The following KCNIP1 variants were observed in gnomAD, a reference collection of about 807,000 sequenced individuals.
The protein encoded by KCNIP1 is A-type potassium channel modulatory protein KCNIP1.
Under a neutral mutation model 33.0 loss-of-function variants are expected in KCNIP1, and 18 were observed. The ratio of observed to expected loss-of-function variants is 0.55; its 90% CI spans 0.38 to 0.81. The LOEUF is 0.81. Among genes scored for constraint, KCNIP1 ranks in the 30% least tolerant of loss-of-function variants. KCNIP1 has a pLI of 0.00. For missense variants in KCNIP1, 238 were observed against 271.6 expected (o/e 0.88, Z 0.87); for synonymous variants, 93 against 98.3 (o/e 0.95, Z 0.32).
chr5:170,602,059 A>C (rs1166005823), intron 1 of KCNIP1, among the ~76,000 whole-genome samples: 1 of 152,146 alleles, frequency 6.6e-6, no homozygotes, highest in African/African-American at 2.4e-5. Context: ...GAGACCCTAG[A>C]ATCCCAGTGG....
intron 1 of KCNIP1, among the ~76,000 whole-genome samples, chr5:170,413,928 TAAAAA>T (rs3051750): frequency 1.7e-4 from 23 of 138,276 alleles, no homozygotes; most frequent in African/African-American, 1.6e-4. Context: ...GAGTGGAAGT[TAAAAA>T]AAAAAAAAAA....
chr5:170,729,493 C>A (rs1298347772), intron 5 of KCNIP1, among the ~76,000 whole-genome samples: 1 of 151,904 alleles, frequency 6.6e-6, no homozygotes, highest in African/African-American at 2.4e-5. Flanking sequence ...AATTAAAAAT[C>A]TATTAAGATA....
intron 1 of KCNIP1, among the ~76,000 whole-genome samples, chr5:170,554,582 AT>A (rs1756773210): frequency 6.6e-6 from 1 of 152,184 alleles, no homozygotes; most frequent in Non-Finnish European, 1.5e-5. Context: ...TAGAAGCCAG[AT>A]TTGGGGCTGA....
chr5:170,481,863 G>A (rs1158985347), intron 1 of KCNIP1, among the ~76,000 whole-genome samples: 1 of 152,194 alleles, frequency 6.6e-6, no homozygotes, highest in Non-Finnish European at 1.5e-5. Flanking sequence ...CTCATCCATG[G>A]TGGGTTTTTC....
intron 1 of KCNIP1, among the ~76,000 whole-genome samples, chr5:170,633,086 A>G (rs1056122454): frequency 6.6e-6 from 1 of 151,998 alleles, no homozygotes; most frequent in South Asian, 2.1e-4. Context: ...GCAGGGGGAG[A>G]GCAGAGGGAA....
Position 170,489,653 on chromosome 5 carries a change from G to T in KCNIP1, c.88+135689G>T, listed in dbSNP as rs1757168833. Among the ~76,000 whole-genome samples the T allele has an allele frequency of 1.3e-5, 2 of 152,232 alleles. No homozygotes were observed. The highest frequency in any genetic ancestry group is 2.9e-5 in the Non-Finnish European group (2 of 68,042). On this transcript the variant is annotated intron_variant, in intron 1 of 7. Transcript: ENST00000377360. This position sits in a 1 kb window ranked among gnomAD's most constrained non-coding sequence, Gnocchi z 4.3. ...CAGAACTGTGCTTGGTCTTGAAGTT[G>T]AAAGGTAGCAATCACTCATACTCCT...
chr5:170,595,111 G>A (rs1758399347), intron 1 of KCNIP1, among the ~76,000 whole-genome samples: 1 of 152,190 alleles, frequency 6.6e-6, no homozygotes, highest in Non-Finnish European at 1.5e-5. Context: ...CATCTCCCCA[G>A]TCCTAGCTTC....
Position 170,532,893 on chromosome 5 carries a change from G to A in KCNIP1, c.61+28260G>A, listed in dbSNP as rs1360020852. Among the ~76,000 whole-genome samples the A allele has an allele frequency of 2.0e-5, 3 of 152,288 alleles. No homozygotes were observed. In the East Asian group the frequency reaches 5.8e-4, roughly 29 times the overall value. ...CTTCCTCCTCTCCCAGTCCAAGGAA[G>A]TTTTATGCAAAGGCCAGAGGAGGGA... On this transcript the variant is annotated intron_variant, in intron 1 of 7. Coordinates refer to ENST00000328939, the MANE Select transcript of KCNIP1 (RefSeq NM_014592.4).
intron 1 of KCNIP1, among the ~76,000 whole-genome samples, chr5:170,663,446 C>G (rs531588552): frequency 1.3e-5 from 2 of 152,136 alleles, no homozygotes; most frequent in Non-Finnish European, 2.9e-5. Flanking sequence ...AGCAGCTGCA[C>G]CAGGCCAGCT....
intron 1 of KCNIP1, among the ~76,000 whole-genome samples, chr5:170,435,123 C>T (rs934057413): frequency 6.6e-6 from 1 of 152,206 alleles, no homozygotes; most frequent in African/African-American, 2.4e-5. Context: ...TGAGGCCCAC[C>T]CAACCCAGGG....
At chr5:170,639,132 CAAT>C (rs150962584) in intron 1 of KCNIP1, 8 of 152,076 alleles carry the variant, frequency 5.3e-5, no homozygotes, top group South Asian at 2.1e-4. Context: ...TGATGATTAG[CAAT>C]AATAATAATA....
chr5:170,628,252 C>T (rs1228758852), intron 1 of KCNIP1, among the ~76,000 whole-genome samples: 1 of 152,162 alleles, frequency 6.6e-6, no homozygotes, highest in Non-Finnish European at 1.5e-5. Context: ...CAGGCACACA[C>T]AGCCACCTCC....
chr5:170,356,100 C>A (rs1207715914), intron 1 of KCNIP1, among the ~76,000 whole-genome samples: 1 of 152,212 alleles, frequency 6.6e-6, no homozygotes, highest in Non-Finnish European at 1.5e-5. Context: ...GAAAGGCCTG[C>A]AGAGAGTCCA....
intron 1 of KCNIP1, among the ~76,000 whole-genome samples, chr5:170,547,804 C>T (rs1219237948): frequency 6.6e-6 from 1 of 152,156 alleles, no homozygotes; most frequent in Admixed American, 6.5e-5. Context: ...CATATCTCTG[C>T]TATTGTGAAT....
intron 1 of KCNIP1, among the ~76,000 whole-genome samples, chr5:170,528,066 TC>T (rs1460925482): frequency 6.6e-6 from 1 of 152,120 alleles, no homozygotes; most frequent in Non-Finnish European, 1.5e-5. Context: ...TTAGGAACCC[TC>T]CCAGGAGCCT....
intron 1 of KCNIP1, among the ~76,000 whole-genome samples, chr5:170,441,443 G>A: frequency 6.6e-6 from 1 of 152,154 alleles, no homozygotes; most frequent in East Asian, 1.9e-4. Flanking sequence ...GTGAGCCTCT[G>A]GTGCCCATGT....
At chr5:170,372,138 A>AGAT (rs1339774263) in intron 1 of KCNIP1, among the ~76,000 whole-genome samples, 1 of 152,196 alleles carries the variant, frequency 6.6e-6, no homozygotes, top group African/African-American at 2.4e-5. Context: ...CTACACCTCC[A>AGAT]GATAGGATAT....
At chr5:170,524,436 A>G (rs973495201) in intron 1 of KCNIP1, among the ~76,000 whole-genome samples, 1 of 152,174 alleles carries the variant, frequency 6.6e-6, no homozygotes, top group African/African-American at 2.4e-5. Context: ...TAGCTCTGTC[A>G]CTTGCTAGCT....
At chr5:170,363,673 T>C (rs1361875339) in intron 1 of KCNIP1, among the ~76,000 whole-genome samples, 1 of 152,244 alleles carries the variant, frequency 6.6e-6, no homozygotes, top group Non-Finnish European at 1.5e-5. Context: ...ATTCTTTGCA[T>C]AGCATCCTTT....
Sources: allele counts gnomAD v4.1 joint callset (sites outside exome capture counted in the v4.1 genomes callset), GRCh38; gene constraint gnomAD v4.1.1; non-coding constraint Gnocchi (gnomAD v3.1); transcripts MANE v1.5; gene names NCBI Gene and HGNC (gene_info 2026-07-23, HGNC 2026-07-21).